Variants in PEX14 observed in about 807,000 individuals in gnomAD.
The protein encoded by PEX14 is peroxisomal biogenesis factor 14, also known as peroxisomal membrane protein PEX14.
Under a neutral mutation model 49.5 loss-of-function variants are expected in PEX14, and 15 were observed. The observed-to-expected ratio is 0.30, with a 90% CI of 0.20 to 0.47. The LOEUF (loss-of-function observed/expected upper bound fraction) is 0.47. Ranked by LOEUF, PEX14 falls within the 20% of genes least tolerant of loss-of-function variation. The pLI is 1.00. For missense variants in PEX14, 398 were observed against 494.8 expected (o/e 0.80, Z 1.86); for synonymous variants, 210 against 212.7 (o/e 0.99, Z 0.11).
chr1:10,579,898 T>G (rs145973155), intron 3 of PEX14, among the ~76,000 whole-genome samples: 1 of 151,988 alleles, frequency 6.6e-6, no homozygotes, highest in Non-Finnish European at 1.5e-5. Context: ...TTAGAATGCC[T>G]CAGCTGTTTG....
chr1:10,480,387 CTTTTTTTTTTTTT>C (rs34544712), intron 1 of PEX14, among the ~76,000 whole-genome samples: 7 of 87,290 alleles, frequency 8.0e-5, no homozygotes, highest in Admixed American at 6.0e-4. Context: ...GCCTGGCTAA[CTTTTTTTTTTTTT>C]TTTTTTTTTT....
rs1641816199 is a variant in PEX14, at chr1:10,628,505, G to A, written c.678-1026G>A. ...CACCCAACTTCCCGGTTTTCCCTGA[G>A]GAAAAGAACATGTCCTGGAAAGAGA... is the stretch of plus-strand genomic sequence containing the variant. On this transcript the variant is annotated intron_variant, in intron 8 of 8. Coordinates refer to ENST00000356607, the MANE Select transcript of PEX14 (RefSeq NM_004565.3). This position sits in a 1 kb window ranked among gnomAD's most constrained non-coding sequence, Gnocchi z 4.5. Among the ~76,000 whole-genome samples the A allele has an allele frequency of 6.6e-6, 1 of 152,256 alleles. No homozygotes were observed.
At chr1:10,535,260 A>G (rs936869721) in intron 2 of PEX14, among the ~76,000 whole-genome samples, 1 of 152,244 alleles carries the variant, frequency 6.6e-6, no homozygotes, top group African/African-American at 2.4e-5. Context: ...AGCCAGGCGT[A>G]AACACACACT....
At chr1:10,589,238 T>G (rs1640588486) in intron 3 of PEX14, among the ~76,000 whole-genome samples, 1 of 152,042 alleles carries the variant, frequency 6.6e-6, no homozygotes, top group African/African-American at 2.4e-5. Context: ...CCAAGCTGTG[T>G]GGGGGAAAAT....
rs1160119059 is a variant in PEX14 at position 10,495,391 on chromosome 1, T to C, written c.84+70T>C. The stretch of plus-strand genomic sequence containing the variant: ...GCCACGCGAGTGAAAAGAAACCTTC[T>C]GTTCCTATGGTTCTGCGTCAGTAGT... On this transcript the variant is annotated intron_variant, in intron 2 of 8. Transcript: ENST00000356607. The surrounding 1 kb of genome is among the most constrained non-coding windows in gnomAD (Gnocchi z 4.2). 4.0e-6 allele frequency: 5 copies of C among 1,260,702 alleles called. No homozygotes were observed. Among genetic ancestry groups the C allele is most frequent in the Non-Finnish European group, 1.1e-6 (1 of 870,068 alleles). 78.1% of individuals were successfully genotyped at this position (1,260,702 alleles called of 1,614,324 possible).
chr1:10,566,708 G>C lies in PEX14; in HGVS notation c.169+30411G>C, dbSNP rs569397614. ...TTGTTTTGTTTTTTAGTAGAGACGGGGTTTCTTCATGTTGGTCAGGCTGAT... is the reference window on the plus strand; with the variant it reads ...TTGTTTTGTTTTTTAGTAGAGACGGCGTTTCTTCATGTTGGTCAGGCTGAT... On this transcript the variant is annotated intron_variant, in intron 3 of 8. Transcript: ENST00000356607. 1.7e-4 allele frequency among the ~76,000 whole-genome samples: 26 copies of C among 152,050 alleles called. 1 individual carries two copies. In the South Asian group the frequency reaches 5.2e-3, roughly 30 times the overall value.
intron 3 of PEX14, among the ~76,000 whole-genome samples, chr1:10,552,781 T>C (rs1177242536): frequency 2.6e-5 from 4 of 152,052 alleles, no homozygotes; most frequent in Non-Finnish European, 5.9e-5. Context: ...GCGATCAGTT[T>C]TGTGGTAGGG....
chr1:10,504,904 C>T (rs1641754728), intron 2 of PEX14, among the ~76,000 whole-genome samples: 1 of 151,894 alleles, frequency 6.6e-6, no homozygotes. Flanking sequence ...CTCCTGCCTC[C>T]TCCTCAGTAG....
intron 3 of PEX14, among the ~76,000 whole-genome samples, chr1:10,593,018 A>G (rs987031480): frequency 2.6e-5 from 4 of 152,218 alleles, no homozygotes; most frequent in Non-Finnish European, 5.9e-5. Flanking sequence ...CGAGTGGAAC[A>G]AGCCTGCCAG....
Position 10,606,806 on chromosome 1 carries a change from C to T in PEX14, c.298+7440C>T, listed in dbSNP as rs1012873548. Among the ~76,000 whole-genome samples, 14 of 152,322 alleles carry T rather than the reference C, an allele frequency of 9.2e-5. No homozygotes were observed. The East Asian group carries it at 2.7e-3, about 29-fold the overall frequency. On this transcript the variant is annotated intron_variant, in intron 4 of 8. Transcript: ENST00000356607. ...CACCACTGGGTAGTGTTCCCAAGCA[C>T]TCCTGACTTCCTGTAGCTCTTTTTT...
intron 3 of PEX14, among the ~76,000 whole-genome samples, chr1:10,542,868 G>A (rs935453045): frequency 2.0e-5 from 3 of 152,136 alleles, no homozygotes; most frequent in East Asian, 1.9e-4. Context: ...TATTCTTGTC[G>A]TATACATTGT....
At chr1:10,624,515 G>T (rs1231676020) in intron 7 of PEX14, 78 bp downstream of exon 7, 5 of 994,614 alleles carry the variant, frequency 5.0e-6, no homozygotes, top group Non-Finnish European at 8.1e-6. Flanking sequence ...CTTGGGCCGG[G>T]CTTGCCACCT....
At chr1:10,575,433 G>GTAC (rs1391723374) in intron 3 of PEX14, among the ~76,000 whole-genome samples, 4 of 152,028 alleles carry the variant, frequency 2.6e-5, no homozygotes, top group South Asian at 2.1e-4. Context: ...ACATAAAATG[G>GTAC]AATATTTAAT....
At chr1:10,576,871 C>G (rs1193229423) in intron 3 of PEX14, among the ~76,000 whole-genome samples, 5 of 151,866 alleles carry the variant, frequency 3.3e-5, no homozygotes, top group African/African-American at 1.2e-4. Flanking sequence ...ATTCTCCTGC[C>G]TCTGCCTCCC....
intron 2 of PEX14, among the ~76,000 whole-genome samples, chr1:10,500,228 C>T (rs1641647870): frequency 6.7e-6 from 1 of 149,998 alleles, no homozygotes; most frequent in African/African-American, 2.5e-5. Flanking sequence ...CATGGCAAAA[C>T]CCCGTCTCTA....
intron 3 of PEX14, among the ~76,000 whole-genome samples, chr1:10,549,808 T>G (rs1639284787): frequency 6.6e-6 from 1 of 152,198 alleles, no homozygotes; most frequent in African/African-American, 2.4e-5. Context: ...GATTTCAGAT[T>G]TTTGGATCAG....
intron 3 of PEX14, among the ~76,000 whole-genome samples, chr1:10,546,232 A>G (rs1360298423): frequency 6.6e-6 from 1 of 152,124 alleles, no homozygotes; most frequent in East Asian, 1.9e-4. Flanking sequence ...GAATTCGTGC[A>G]TCAGGAACCT....
intron 2 of PEX14, among the ~76,000 whole-genome samples, chr1:10,499,726 T>A (rs553100058): frequency 6.6e-6 from 1 of 152,236 alleles, no homozygotes; most frequent in South Asian, 2.1e-4. Context: ...GGATTACAGG[T>A]GTGAGCCAAC....
intron 2 of PEX14, among the ~76,000 whole-genome samples, chr1:10,496,699 C>T (rs1299786125): frequency 1.3e-5 from 2 of 151,890 alleles, no homozygotes; most frequent in East Asian, 1.9e-4. Flanking sequence ...CCCTGCAGAC[C>T]CCTTGCTCTG....
Sources: gnomAD v4.1 joint callset for allele counts (sites outside exome capture counted in the v4.1 genomes callset) on GRCh38, gnomAD v4.1.1 for gene constraint, Gnocchi (gnomAD v3.1) non-coding constraint, MANE v1.5 for transcripts, NCBI Gene and HGNC (gene_info 2026-07-23, HGNC 2026-07-21) for gene names.